The following MAOA variants were observed in gnomAD, a reference collection of about 807,000 sequenced individuals.
The protein encoded by MAOA is monoamine oxidase A, also known as amine oxidase [flavin-containing] A.
In MAOA, 6 loss-of-function variants were observed where a neutral mutation model predicts 42.0. That is an observed-to-expected ratio of 0.14 (90% CI 0.08 to 0.28). The LOEUF is 0.28. MAOA is among the 10% of genes least tolerant of loss of function. The pLI, the probability that MAOA is intolerant of heterozygous loss-of-function variation, is 1.00. For missense variants in MAOA, 262 were observed against 422.3 expected (o/e 0.62, Z 3.33); for synonymous variants, 140 against 154.0 (o/e 0.91, Z 0.67).
chrX:43,717,204 T>TG (rs901369053), intron 5 of MAOA, among the ~76,000 whole-genome samples: 17 of 110,595 alleles, frequency 1.5e-4, no homozygotes, highest in African/African-American at 5.6e-4. Flanking sequence ...ACTAAGTCTC[T>TG]GGGGGGAAAC....
chrX:43,684,065 A>G (rs1460496265), intron 2 of MAOA, among the ~76,000 whole-genome samples: 1 of 111,501 alleles, frequency 9.0e-6, no homozygotes, highest in African/African-American at 3.3e-5. Context: ...AGACAAAAAA[A>G]GAAATGTGGT....
Position 43,745,744 on chromosome X carries a change from C to A in MAOA, c.*1231C>A, listed in dbSNP as rs972689001. ...TAATGTCGGCCCACAAGGGTGCCCA[C>A]CTCTTGTTTTCCCCTTTTAAAAACT... On this transcript the variant is annotated 3_prime_UTR_variant, in exon 15 of 15. Transcript: ENST00000338702. 9.0e-6 allele frequency: 1 copy of A among 111,590 alleles called. No homozygotes were observed. The highest frequency in any genetic ancestry group is 3.3e-5 in the African/African-American group (1 of 30,752). 9.2% of individuals were successfully genotyped at this position (111,590 alleles called of 1,213,427 possible).
chrX:43,714,621 G>A (rs903502290), intron 5 of MAOA, among the ~76,000 whole-genome samples: 1 of 109,751 alleles, frequency 9.1e-6, no homozygotes, highest in Non-Finnish European at 1.9e-5. Context: ...GCAGGGATAA[G>A]ATAGGAAGAG....
At chrX:43,664,385 T>C (rs769479793) in intron 1 of MAOA, among the ~76,000 whole-genome samples, 1 of 111,725 alleles carries the variant, frequency 9.0e-6, no homozygotes, top group African/African-American at 3.2e-5. Flanking sequence ...GTGACTTGTG[T>C]GAGGCATAGA....
At position 43,732,751 on chromosome X, in the gene MAOA, C is replaced by A; in HGVS notation, c.1008C>A (p.Thr336=). Residue 336 remains threonine, a synonymous_variant, in exon 9 of 15, where the codon ACC becomes ACA. Coordinates refer to ENST00000338702, the MANE Select transcript of MAOA (RefSeq NM_000240.4). The part of the protein sequence containing the change: ...IEDEDAPISI[T]LDDTKPDGSL... The stretch of plus-strand genomic sequence containing the variant: ...ATGAAGATGCTCCAATTTCAATAAC[C>A]TTGGATGACACCAAGCCAGATGGGT... 1 of 1,209,918 alleles carries A rather than the reference C, an allele frequency of 8.3e-7. No individual in the cohort carries two copies.
intron 2 of MAOA, among the ~76,000 whole-genome samples, chrX:43,684,369 TA>T (rs1449816668): frequency 9.1e-6 from 1 of 110,119 alleles, no homozygotes; most frequent in African/African-American, 3.3e-5. Flanking sequence ...GGGAAGGAAA[TA>T]GGGGCAAAGA....
At chrX:43,720,254 G>T (rs1304468769) in intron 5 of MAOA, among the ~76,000 whole-genome samples, 1 of 110,256 alleles carries the variant, frequency 9.1e-6, no homozygotes, top group Non-Finnish European at 1.9e-5. Context: ...ACAGGAGAAG[G>T]GGGAGACAGG....
At position 43,740,687 on chromosome X, in the gene MAOA, G is replaced by T; in HGVS notation, c.1113G>T (p.Lys371Asn). Residue 371 changes from lysine to asparagine, a missense_variant, in exon 11 of 15, where the codon AAG (lysine) becomes AAT (asparagine). Transcript: ENST00000338702. ...TTTTGGCTCTGTTTTATAGGAAGAA[G>T]AAAATCTGTGAGCTCTATGCCAAAG... ...LAKLHKEIRK[K>N]KICELYAKVL... The T allele has an allele frequency of 8.5e-7, 1 of 1,177,797 alleles. No individual in the cohort carries two copies. The highest frequency in any genetic ancestry group is 1.9e-5 in the South Asian group (1 of 53,955).
chrX:43,676,526 G>A (rs1038552269), intron 1 of MAOA, among the ~76,000 whole-genome samples: 5 of 111,511 alleles, frequency 4.5e-5, no homozygotes, highest in South Asian at 3.8e-4. Flanking sequence ...GAAATCACCC[G>A]TCTTCTGCAT....
At chrX:43,684,772 G>A (rs913479488) in intron 2 of MAOA, among the ~76,000 whole-genome samples, 3 of 110,698 alleles carry the variant, frequency 2.7e-5, no homozygotes, top group Non-Finnish European at 5.7e-5. Flanking sequence ...GCAAACATTT[G>A]ATTATTTCAC....
chrX:43,740,768 A>T (rs2033954906), intron 11 of MAOA, 30 bp downstream of exon 11: 1 of 1,160,294 alleles, frequency 8.6e-7, no homozygotes, highest in Non-Finnish European at 1.2e-6. Flanking sequence ...AATCCCTAGC[A>T]GGTTCTTCTC....
At chrX:43,714,987 T>C (rs1386753610) in intron 5 of MAOA, among the ~76,000 whole-genome samples, 7 of 109,680 alleles carry the variant, frequency 6.4e-5, no homozygotes, top group Admixed American at 1.9e-4. Flanking sequence ...ACAGGAAACA[T>C]AGATGGTGAG....
At chrX:43,667,705 A>G (rs2033294571) in intron 1 of MAOA, among the ~76,000 whole-genome samples, 1 of 111,645 alleles carries the variant, frequency 9.0e-6, no homozygotes, top group Non-Finnish European at 1.9e-5. Flanking sequence ...AGTACATTCA[A>G]GTGAGTGTAT....
intron 11 of MAOA, among the ~76,000 whole-genome samples, chrX:43,741,266 A>G (rs192185850): frequency 1.7e-3 from 192 of 111,183 alleles, no homozygotes; most frequent in African/African-American, 5.9e-3. Flanking sequence ...GAAAGCAATT[A>G]GGAGAATGAA....
intron 1 of MAOA, among the ~76,000 whole-genome samples, chrX:43,674,968 T>C (rs2033379584): frequency 9.0e-6 from 1 of 111,685 alleles, no homozygotes; most frequent in Non-Finnish European, 1.9e-5. Flanking sequence ...GTGTTCTCTG[T>C]ATTTCCTGAA....
chrX:43,706,624 CATAAATAA>C (rs746283353), intron 3 of MAOA, among the ~76,000 whole-genome samples: 10 of 104,884 alleles, frequency 9.5e-5, no homozygotes, highest in South Asian at 4.0e-4. Flanking sequence ...ATCTCTACAA[CATAAATAA>C]ATAAATAAAT....
intron 4 of MAOA, 50 bp from the exon 5 acceptor site, chrX:43,712,655 A>C: frequency 3.6e-6 from 3 of 833,397 alleles, no homozygotes; most frequent in Admixed American, 2.2e-5. Context: ...CTTCCCGAGA[A>C]GAGGTGGCAG....
intron 3 of MAOA, among the ~76,000 whole-genome samples, chrX:43,699,618 C>T (rs2033606934): frequency 9.0e-6 from 1 of 111,302 alleles, no homozygotes; most frequent in African/African-American, 3.3e-5. Flanking sequence ...ACAACATAGG[C>T]TTTGCTGACA....
intron 2 of MAOA, among the ~76,000 whole-genome samples, chrX:43,684,655 T>A (rs1381683590): frequency 1.8e-5 from 2 of 111,203 alleles, no homozygotes; most frequent in African/African-American, 6.5e-5. Context: ...GACTAGGGAT[T>A]GAGAGTAAAG....
Sources: allele counts gnomAD v4.1 joint callset (sites outside exome capture counted in the v4.1 genomes callset), GRCh38; gene constraint gnomAD v4.1.1; transcripts MANE v1.5; gene names NCBI Gene and HGNC (gene_info 2026-07-23, HGNC 2026-07-21).